CSNK1G1: variants seen among roughly 807,000 people sequenced by gnomAD.
The protein encoded by CSNK1G1 is casein kinase I isoform gamma-1.
In CSNK1G1, 22 loss-of-function variants were observed where a neutral mutation model predicts 59.6. The observed-to-expected ratio is 0.37, with a 90% CI of 0.26 to 0.53. The LOEUF (loss-of-function observed/expected upper bound fraction) is 0.53, where lower values mean the gene tolerates loss of function less well. Ranked by LOEUF, CSNK1G1 falls within the 20% of genes least tolerant of loss-of-function variation. The probability of loss-of-function intolerance (pLI) is 0.89; values close to 1 mark genes in which losing one functional copy is unlikely to be tolerated. For synonymous variants in CSNK1G1, 179 were observed against 177.1 expected (o/e 1.01, Z -0.08); for missense variants, 384 against 519.5 (o/e 0.74, Z 2.54).
At chr15:64,274,821 T>C (rs79940255) in intron 2 of CSNK1G1, among the ~76,000 whole-genome samples, 7,249 of 152,228 alleles carry the variant, frequency 0.048, 183 homozygotes, top group South Asian at 0.078. Flanking sequence ...TAAAGGAACA[T>C]ACAGTCTGTT....
intron 1 of CSNK1G1, among the ~76,000 whole-genome samples, chr15:64,328,936 C>T (rs1200232635): frequency 5.7e-5 from 8 of 140,530 alleles, no homozygotes; most frequent in Non-Finnish European, 9.2e-5. Context: ...AAGGCCATTA[C>T]ATAATGGTAA....
chr15:64,248,601 T>C (rs1458739131), intron 4 of CSNK1G1, among the ~76,000 whole-genome samples: 1 of 152,100 alleles, frequency 6.6e-6, no homozygotes, highest in Non-Finnish European at 1.5e-5. Flanking sequence ...AATAAAAAAA[T>C]AGTCAATGCC....
chr15:64,192,206 AGAGGTGCAT>A (rs1292788066), intron 10 of CSNK1G1, among the ~76,000 whole-genome samples: 1 of 152,232 alleles, frequency 6.6e-6, no homozygotes, highest in African/African-American at 2.4e-5. Flanking sequence ...ATGTCACTCA[AGAGGTGCAT>A]GAGTAGAAAA....
chr15:64,302,160 C>T (rs1487320780), intron 1 of CSNK1G1, among the ~76,000 whole-genome samples: 1 of 152,046 alleles, frequency 6.6e-6, no homozygotes, highest in Non-Finnish European at 1.5e-5. Context: ...AGTGCAATGG[C>T]GAGATCTCGG....
chr15:64,201,572 TC>T (rs1284601585), intron 10 of CSNK1G1, among the ~76,000 whole-genome samples: 1 of 152,170 alleles, frequency 6.6e-6, no homozygotes, highest in Non-Finnish European at 1.5e-5. Context: ...ACCTATTTTC[TC>T]GTTTATATGT....
chr15:64,209,364 G>C (rs976188495), intron 6 of CSNK1G1, among the ~76,000 whole-genome samples: 7 of 152,176 alleles, frequency 4.6e-5, no homozygotes, highest in Non-Finnish European at 8.8e-5. Flanking sequence ...ATACAGAAGT[G>C]CAACATGTTT....
intron 2 of CSNK1G1, among the ~76,000 whole-genome samples, chr15:64,294,339 GC>G (rs1187467868): frequency 1.3e-5 from 2 of 152,032 alleles, no homozygotes; most frequent in Non-Finnish European, 2.9e-5. Flanking sequence ...CTCTCAAAGG[GC>G]TGGGATTACA....
At chr15:64,246,267 A>G (rs1216563422) in intron 4 of CSNK1G1, among the ~76,000 whole-genome samples, 1 of 152,214 alleles carries the variant, frequency 6.6e-6, no homozygotes, top group Non-Finnish European at 1.5e-5. Flanking sequence ...TAACAAGTTA[A>G]CTGGCTTTCT....
intron 11 of CSNK1G1, among the ~76,000 whole-genome samples, chr15:64,178,585 G>A (rs1014437035): frequency 4.0e-5 from 6 of 151,038 alleles, no homozygotes; most frequent in Admixed American, 1.3e-4. Flanking sequence ...GGGTTCAAGC[G>A]ATTCTCCTGC....
intron 4 of CSNK1G1, among the ~76,000 whole-genome samples, chr15:64,239,470 G>A (rs2082665591): frequency 6.6e-6 from 1 of 152,052 alleles, no homozygotes; most frequent in Non-Finnish European, 1.5e-5. Flanking sequence ...CAACTTCCTG[G>A]GCTCAAGCAA....
chr15:64,192,514 C>T (rs756406778), intron 10 of CSNK1G1, among the ~76,000 whole-genome samples: 18 of 152,186 alleles, frequency 1.2e-4, no homozygotes, highest in African/African-American at 1.9e-4. Context: ...GTGAAAACCC[C>T]CACCTATGCC....
intron 1 of CSNK1G1, among the ~76,000 whole-genome samples, chr15:64,335,499 C>T (rs1322618612): frequency 6.6e-6 from 1 of 152,096 alleles, no homozygotes; most frequent in East Asian, 1.9e-4. Context: ...AAAAAGGCAG[C>T]CTTGATGATT....
intron 4 of CSNK1G1, among the ~76,000 whole-genome samples, chr15:64,238,992 A>G (rs771668864): frequency 6.6e-6 from 1 of 151,906 alleles, no homozygotes; most frequent in Non-Finnish European, 1.5e-5. Context: ...CTACCAAAAA[A>G]CTCTATACCC....
chr15:64,264,996 C>A (rs910166659), intron 2 of CSNK1G1, among the ~76,000 whole-genome samples: 14 of 152,100 alleles, frequency 9.2e-5, no homozygotes, highest in African/African-American at 2.9e-4. Context: ...CAATTTTATA[C>A]AACATAGTAT....
At chr15:64,280,338 C>T (rs578126050) in intron 2 of CSNK1G1, among the ~76,000 whole-genome samples, 42 of 151,920 alleles carry the variant, frequency 2.8e-4, no homozygotes, top group Middle Eastern at 3.4e-3. Flanking sequence ...CACTGACCAC[C>T]CAGGACAACC....
intron 1 of CSNK1G1, among the ~76,000 whole-genome samples, chr15:64,324,745 T>G (rs943350910): frequency 1.3e-5 from 2 of 152,218 alleles, no homozygotes; most frequent in African/African-American, 4.8e-5. Flanking sequence ...TCTGTCCTTC[T>G]AGAGAACCCT....
chr15:64,315,467 T>C lies in CSNK1G1; in HGVS notation c.-224-14744A>G, dbSNP rs565200477. Among the ~76,000 whole-genome samples the C allele has an allele frequency of 5.3e-5, 8 of 152,344 alleles. No individual in the cohort carries two copies. The South Asian group carries it at 1.7e-3, about 32-fold the overall frequency. ...AGGGATTTAGCTTTACAAAAAGCAT[T>C]TACATTTTCTAAACGATTGACTCTA... is the stretch of plus-strand genomic sequence containing the variant. On this transcript the variant is annotated intron_variant, in intron 1 of 11. Transcript: ENST00000303052.
intron 2 of CSNK1G1, among the ~76,000 whole-genome samples, chr15:64,273,313 T>C: frequency 6.6e-6 from 1 of 152,160 alleles, no homozygotes; most frequent in East Asian, 1.9e-4. Flanking sequence ...ATAAAAAATA[T>C]TAATCTGGCC....
At chr15:64,285,996 C>T (rs1028556304) in intron 2 of CSNK1G1, among the ~76,000 whole-genome samples, 1 of 152,196 alleles carries the variant, frequency 6.6e-6, no homozygotes, top group African/African-American at 2.4e-5. Context: ...TTCCACTGAA[C>T]GACCCCTGTG....
Sources: gnomAD v4.1 joint callset for allele counts (sites outside exome capture counted in the v4.1 genomes callset) on GRCh38, gnomAD v4.1.1 for gene constraint, MANE v1.5 for transcripts, NCBI Gene and HGNC (gene_info 2026-07-23, HGNC 2026-07-21) for gene names.